GOLGA5: variants seen among roughly 807,000 people sequenced by gnomAD.
The protein encoded by GOLGA5 is golgin A5, also known as golgin subfamily A member 5.
A neutral mutation model predicts 93.5 loss-of-function variants in GOLGA5; 50 were observed. That is an observed-to-expected ratio of 0.53 (90% confidence interval 0.43 to 0.68). GOLGA5 has a LOEUF of 0.68. GOLGA5 is among the 30% of genes least tolerant of loss of function. The probability of loss-of-function intolerance (pLI) is 0.00; values close to 1 mark genes in which losing one functional copy is unlikely to be tolerated. For synonymous variants in GOLGA5, 312 were observed against 304.5 expected (o/e 1.02, Z -0.26); for missense variants, 760 against 856.4 (o/e 0.89, Z 1.40).
At position 92,797,620 on chromosome 14, in the gene GOLGA5, G is replaced by A. The variant is rs756438734; in HGVS notation, c.183G>A (p.Thr61=). The stretch of plus-strand genomic sequence containing the variant: ...TATATCAGACTGGACCTAAATCTAC[G>A]TATATTTCATCAGCAGCTGATAACA... ...DLIYQTGPKS[T]YISSAADNIR... Residue 61 remains threonine, a synonymous_variant, in exon 2 of 13, where the codon ACG becomes ACA. Coordinates refer to ENST00000163416, the MANE Select transcript of GOLGA5 (RefSeq NM_005113.4). 2.2e-5 allele frequency: 35 copies of A among 1,612,816 alleles called. No homozygotes were observed. Among genetic ancestry groups the A allele is most frequent in the Middle Eastern group, 1.6e-4 (1 of 6,084 alleles).
intron 8 of GOLGA5, among the ~76,000 whole-genome samples, chr14:92,822,035 A>G (rs775247337): frequency 6.6e-6 from 1 of 151,278 alleles, no homozygotes; most frequent in Non-Finnish European, 1.5e-5. Context: ...TTTATTTAGT[A>G]TATGTTCCAA....
At chr14:92,828,243 C>T (rs557834342) in intron 9 of GOLGA5, among the ~76,000 whole-genome samples, 2 of 152,310 alleles carry the variant, frequency 1.3e-5, no homozygotes, top group East Asian at 3.9e-4. Flanking sequence ...CGGGCTGACT[C>T]TCTTGTTAGG....
chr14:92,795,329 CAT>C (rs749984097), intron 1 of GOLGA5, among the ~76,000 whole-genome samples: 2 of 152,310 alleles, frequency 1.3e-5, no homozygotes, highest in East Asian at 1.9e-4. Context: ...TTAATAGTCA[CAT>C]GTGTAAAGAA....
At chr14:92,806,614 A>G (rs1884991503) in intron 2 of GOLGA5, 122 bp from the exon 3 acceptor site, 1 of 689,058 alleles carries the variant, frequency 1.5e-6, no homozygotes, top group African/African-American at 1.8e-5. Context: ...CGCCTAGCTG[A>G]GAATTTACTT....
intron 4 of GOLGA5, among the ~76,000 whole-genome samples, chr14:92,809,791 TA>T (rs1179287145): frequency 6.6e-6 from 1 of 152,040 alleles, no homozygotes; most frequent in African/African-American, 2.4e-5. Flanking sequence ...CCGTCTCTAC[TA>T]AAAATACAGA....
intron 10 of GOLGA5, 42 bp downstream of exon 10, chr14:92,833,389 A>G (rs1331930961): frequency 1.5e-6 from 2 of 1,338,820 alleles, no homozygotes; most frequent in Non-Finnish European, 2.1e-6. Context: ...TCATTCAAAC[A>G]TGCTTTTGAA....
intron 11 of GOLGA5, 47 bp downstream of exon 11, chr14:92,835,711 AC>A (rs2140338168): frequency 8.4e-7 from 1 of 1,188,152 alleles, no homozygotes; most frequent in South Asian, 1.3e-5. Flanking sequence ...AGCTGTTTTT[AC>A]GTTTTTCAGG....
chr14:92,804,036 T>C (rs945515198), intron 2 of GOLGA5, among the ~76,000 whole-genome samples: 4 of 152,182 alleles, frequency 2.6e-5, no homozygotes, highest in Non-Finnish European at 4.4e-5. Context: ...TAATTTTTGC[T>C]TTCTTTGGGT....
chr14:92,824,318 T>A (rs1439058457), intron 8 of GOLGA5, among the ~76,000 whole-genome samples: 1 of 152,260 alleles, frequency 6.6e-6, no homozygotes, highest in East Asian at 1.9e-4. Flanking sequence ...ATTATGGATC[T>A]TTGTTTACAA....
chr14:92,804,188 T>C (rs957717908), intron 2 of GOLGA5, among the ~76,000 whole-genome samples: 1 of 151,992 alleles, frequency 6.6e-6, no homozygotes, highest in Non-Finnish European at 1.5e-5. Flanking sequence ...TTTGGATATA[T>C]ACTTAATTTA....
At chr14:92,800,068 GGCAGTA>G (rs1884836139) in intron 2 of GOLGA5, among the ~76,000 whole-genome samples, 1 of 152,314 alleles carries the variant, frequency 6.6e-6, no homozygotes, top group Admixed American at 6.5e-5. Flanking sequence ...AATAGGATCA[GGCAGTA>G]GCAGTTGATT....
chr14:92,828,063 A>G (rs2140332164), intron 9 of GOLGA5, among the ~76,000 whole-genome samples: 2 of 152,386 alleles, frequency 1.3e-5, no homozygotes, highest in Middle Eastern at 6.8e-3. Flanking sequence ...AACTGCTGCA[A>G]GTTATCTGGG....
Position 92,824,496 on chromosome 14 carries a change from A to G in GOLGA5, c.1621-50A>G, listed in dbSNP as rs757390431. 8.9e-6 allele frequency: 8 copies of G among 894,380 alleles called. 1 individual carries two copies. In the South Asian group the frequency reaches 1.1e-4, roughly 13 times the overall value. 55.4% of individuals were successfully genotyped at this position (894,380 alleles called of 1,614,324 possible). ...GCACTGATTTAGGTACTGAGGATGG[A>G]ATAGGGGACACTTATTTCGCTTCTG... On this transcript the variant is annotated intron_variant, in intron 8 of 12. Transcript: ENST00000163416.
chr14:92,837,879 A>G (rs886581181), intron 12 of GOLGA5, among the ~76,000 whole-genome samples: 5 of 152,178 alleles, frequency 3.3e-5, no homozygotes, highest in African/African-American at 1.2e-4. Flanking sequence ...ACAGTTTGGA[A>G]AGAGAGAACT....
intron 2 of GOLGA5, among the ~76,000 whole-genome samples, chr14:92,798,402 GT>G (rs977506649): frequency 1.2e-4 from 18 of 152,200 alleles, no homozygotes; most frequent in Admixed American, 7.8e-4. Context: ...TTTTTTGTGT[GT>G]TTTTCCCCCC....
Position 92,811,670 on chromosome 14 carries a change from G to T in GOLGA5, c.1236G>T (p.Gln412His), listed in dbSNP as rs1334024082. ...DEKKRVDELQ[Q>H]QVKLYKLNLE... ...AGAAGAGGGTTGATGAACTGCAGCA[G>T]CAAGTCAAGCTGTATAAGTTGAACT... The change falls in exon 6 of 13, where the codon CAG becomes CAT. Residue 412 changes from glutamine to histidine, a missense_variant. By Grantham distance (24) the Gln-to-His change is conservative. Transcript: ENST00000163416. 1.9e-6 allele frequency: 3 copies of T among 1,612,354 alleles called. No individual in the cohort carries two copies. The Admixed American group carries it at 5.0e-5, about 27-fold the overall frequency.
chr14:92,827,403 T>G (rs1383500575), intron 9 of GOLGA5, among the ~76,000 whole-genome samples: 1 of 152,234 alleles, frequency 6.6e-6, no homozygotes, highest in Non-Finnish European at 1.5e-5. Context: ...ATAACTATTG[T>G]AATTGTTTTG....
At chr14:92,822,677 GA>G (rs1392841233) in intron 8 of GOLGA5, among the ~76,000 whole-genome samples, 1 of 152,164 alleles carries the variant, frequency 6.6e-6, no homozygotes, top group Non-Finnish European at 1.5e-5. Flanking sequence ...TGATTTTTGA[GA>G]CGGAGTGTCG....
chr14:92,829,030 T>G (rs1885475450), intron 9 of GOLGA5, among the ~76,000 whole-genome samples: 2 of 152,194 alleles, frequency 1.3e-5, no homozygotes, highest in African/African-American at 4.8e-5. Flanking sequence ...AGTGGTGTGA[T>G]TTTGGCTCAC....
Sources: allele counts gnomAD v4.1 joint callset (sites outside exome capture counted in the v4.1 genomes callset), GRCh38; gene constraint gnomAD v4.1.1; transcripts MANE v1.5; gene names NCBI Gene and HGNC (gene_info 2026-07-23, HGNC 2026-07-21).